FBXO25: variants seen among roughly 807,000 people sequenced by gnomAD.
The protein encoded by FBXO25 is F-box only protein 25.
A neutral mutation model predicts 51.9 loss-of-function variants in FBXO25; 45 were observed. That is an observed-to-expected ratio of 0.87 (90% CI 0.68 to 1.11). The LOEUF (loss-of-function observed/expected upper bound fraction) is 1.11. FBXO25 is among the 50% of genes most tolerant of loss of function. The pLI, the probability that FBXO25 is intolerant of heterozygous loss-of-function variation, is 0.00. For missense variants in FBXO25, 507 were observed against 428.5 expected, an observed-to-expected ratio of 1.18 and a Z score of -1.62; for synonymous variants, 199 against 151.0, an observed-to-expected ratio of 1.32 and a Z score of -2.33.
Position 464,315 on chromosome 8 carries a change from T to G in FBXO25, c.987+1165T>G, listed in dbSNP as rs551616665. ...TTCACCCTGGAGTGTGTTTCCATGG[T>G]TTGCCTTGCGTTTGAACATGTTTAT... On this transcript the variant is annotated intron_variant, in intron 9 of 9. Coordinates refer to ENST00000350302, the MANE Select transcript of FBXO25 (RefSeq NM_183420.2). 7.8e-4 allele frequency among the ~76,000 whole-genome samples: 115 copies of G among 147,776 alleles called. 1 individual carries two copies. Among genetic ancestry groups the G allele is most frequent in the African/African-American group, 2.8e-3 (108 of 38,444 alleles).
chr8:451,305 A>G lies in FBXO25; in HGVS notation c.512A>G (p.Asp171Gly), dbSNP rs1376937995. 1.9e-6 allele frequency: 3 copies of G among 1,610,656 alleles called. No homozygotes were observed. Among genetic ancestry groups the G allele is most frequent in the South Asian group, 1.1e-5 (1 of 90,264 alleles). ...DDHHNPRLIK[D>G]LLQDLSSTLC... ...CACCACAATCCTCGCTTAATCAAAG[A>G]TCTTCTGCAAGACCTAAGCTCTACC... The change falls in exon 7 of 10, where the codon GAT (aspartate) becomes GGT (glycine). Residue 171 changes from aspartate (D) to glycine (G), a missense_variant. Transcript: ENST00000350302.
chr8:462,858 C>T, intron 8 of FBXO25, 149 bp from the exon 9 acceptor site: 1 of 844,986 alleles, frequency 1.2e-6, no homozygotes, highest in Admixed American at 3.1e-5. Context: ...ACAATTCATC[C>T]ATGTAACCAA....
intron 9 of FBXO25, among the ~76,000 whole-genome samples, chr8:463,441 A>T (rs530379366): frequency 5.3e-5 from 8 of 152,316 alleles, no homozygotes; most frequent in African/African-American, 1.9e-4. Context: ...GCAGCTCCAG[A>T]TTCCCTGCTG....
intron 5 of FBXO25, among the ~76,000 whole-genome samples, chr8:440,039 G>A (rs1209898050): frequency 3.3e-5 from 5 of 152,180 alleles, no homozygotes; most frequent in Non-Finnish European, 7.3e-5. Context: ...CAGCCTCACA[G>A]CAGCGCATGG....
chr8:412,517 A>G (rs545757285), intron 1 of FBXO25, among the ~76,000 whole-genome samples: 1 of 152,306 alleles, frequency 6.6e-6, no homozygotes, highest in South Asian at 2.1e-4. Flanking sequence ...TTTGTAAACC[A>G]CAAATCTGAT....
intron 6 of FBXO25, 152 bp from the exon 7 acceptor site, chr8:451,117 T>C: frequency 1.6e-6 from 1 of 623,498 alleles, no homozygotes; most frequent in South Asian, 2.5e-5. Flanking sequence ...ATTTCCCTCC[T>C]TTTTAGGGCT....
intron 2 of FBXO25, among the ~76,000 whole-genome samples, chr8:423,906 G>A (rs116465901): frequency 0.013 from 2,047 of 152,168 alleles, 43 homozygotes; most frequent in African/African-American, 0.046. Flanking sequence ...TTACATTCCC[G>A]TCAACAGTGT....
intron 8 of FBXO25, among the ~76,000 whole-genome samples, chr8:461,313 G>A (rs1368337647): frequency 1.3e-5 from 2 of 152,152 alleles, no homozygotes; most frequent in African/African-American, 4.8e-5. Flanking sequence ...CCCGAGACTG[G>A]GTAATTTTTA....
At chr8:441,977 C>T (rs554796830) in intron 5 of FBXO25, among the ~76,000 whole-genome samples, 60 of 152,300 alleles carry the variant, frequency 3.9e-4, no homozygotes, top group South Asian at 1.5e-3. Flanking sequence ...ACCAGAGATA[C>T]TATTTGACCC....
At chr8:432,018 A>G (rs995692263) in intron 3 of FBXO25, among the ~76,000 whole-genome samples, 2 of 152,184 alleles carry the variant, frequency 1.3e-5, no homozygotes, top group African/African-American at 4.8e-5. Flanking sequence ...TTTTATGTAT[A>G]TACACACTTA....
intron 8 of FBXO25, 144 bp downstream of exon 8, chr8:458,695 G>T: frequency 1.3e-6 from 1 of 753,838 alleles, no homozygotes; most frequent in East Asian, 2.7e-5. Flanking sequence ...AGTTTATTGA[G>T]ATTGCTGTGG....
intron 2 of FBXO25, 124 bp from the exon 3 acceptor site, chr8:431,217 C>T: frequency 1.8e-6 from 1 of 559,808 alleles, no homozygotes; most frequent in Admixed American, 3.8e-5. Flanking sequence ...ATGTATTAGA[C>T]ATTACCCTTG....
At chr8:455,424 ATTGAGGGAGAC>A (rs1356620050) in intron 7 of FBXO25, among the ~76,000 whole-genome samples, 8 of 152,188 alleles carry the variant, frequency 5.3e-5, no homozygotes, top group Non-Finnish European at 1.0e-4. Flanking sequence ...GGAAGGAAGA[ATTGAGGGAGAC>A]TTCAGTGACT....
rs768676833 is a variant in FBXO25, at chr8:463,154, C to G, written c.987+4C>G. The G allele has an allele frequency of 6.2e-7, 1 of 1,608,860 alleles. No homozygotes were observed. The highest frequency in any genetic ancestry group is 1.7e-5 in the Admixed American group (1 of 58,378). ...CTGCAGCATTCTCTTTTGGAAGGTA[C>G]TGATTTAAATGCACTCTTGGAATTT... is the stretch of plus-strand genomic sequence containing the variant. On this transcript the variant is annotated splice_donor_region_variant and intron_variant, in intron 9 of 9. Coordinates refer to ENST00000350302, the MANE Select transcript of FBXO25 (RefSeq NM_183420.2).
At chr8:462,946 C>T (rs1272222387) in intron 8 of FBXO25, 61 bp from the exon 9 acceptor site, 2 of 1,536,932 alleles carry the variant, frequency 1.3e-6, no homozygotes, top group African/African-American at 2.8e-5. Flanking sequence ...AAGTTTTACA[C>T]CTAATATTAT....
At chr8:435,216 C>T (rs1798031729) in intron 4 of FBXO25, among the ~76,000 whole-genome samples, 1 of 152,150 alleles carries the variant, frequency 6.6e-6, no homozygotes, top group Admixed American at 6.5e-5. Flanking sequence ...GTAACACCTA[C>T]ATCCTTACAA....
intron 5 of FBXO25, among the ~76,000 whole-genome samples, chr8:440,043 C>T (rs931325264): frequency 1.2e-4 from 19 of 152,268 alleles, no homozygotes; most frequent in African/African-American, 3.6e-4. Context: ...CTCACAGCAG[C>T]GCATGGGAAA....
chr8:427,462 C>T (rs1470745568), intron 2 of FBXO25, among the ~76,000 whole-genome samples: 2 of 151,314 alleles, frequency 1.3e-5, no homozygotes, highest in Admixed American at 6.6e-5. Flanking sequence ...TGTTTGGTAG[C>T]ATATATGTAC....
At chr8:416,709 C>G (rs572913526) in intron 2 of FBXO25, among the ~76,000 whole-genome samples, 3 of 152,306 alleles carry the variant, frequency 2.0e-5, no homozygotes, top group African/African-American at 2.4e-5. Context: ...AGAGATGTCT[C>G]TGGTCTTATT....
Sources: gnomAD v4.1 joint callset for allele counts (sites outside exome capture counted in the v4.1 genomes callset) on GRCh38, gnomAD v4.1.1 for gene constraint, MANE v1.5 for transcripts, NCBI Gene and HGNC (gene_info 2026-07-23, HGNC 2026-07-21) for gene names.